The following ARID1B variants were observed in gnomAD, a reference collection of about 807,000 sequenced individuals.
The protein encoded by ARID1B is AT-rich interaction domain 1B, also known as AT-rich interactive domain-containing protein 1B.
Under a neutral mutation model 212.3 loss-of-function variants are expected in ARID1B, and 30 were observed. The ratio of observed to expected loss-of-function variants is 0.14; its 90% confidence interval spans 0.11 to 0.19. The LOEUF is 0.19. ARID1B is among the 10% of genes least tolerant of loss of function. The pLI, the probability that ARID1B is intolerant of heterozygous loss-of-function variation, is 1.00. For missense variants in ARID1B, 2,891 were observed against 3,204.0 expected (o/e 0.90, Z 2.36); for synonymous variants, 1,402 against 1,301.7 (o/e 1.08, Z -1.66).
chr6:157,159,508 C>T (rs1790790073), intron 8 of ARID1B, among the ~76,000 whole-genome samples: 1 of 152,204 alleles, frequency 6.6e-6, no homozygotes, highest in Admixed American at 6.5e-5. Flanking sequence ...TGAAATTGCA[C>T]AACAGGTGCC....
At chr6:156,965,527 G>A (rs568160351) in intron 4 of ARID1B, among the ~76,000 whole-genome samples, 11 of 152,306 alleles carry the variant, frequency 7.2e-5, no homozygotes, top group East Asian at 1.9e-4. Flanking sequence ...CACTTAATCC[G>A]TGAATGTGTA....
chr6:157,102,237 A>G (rs1393391349), intron 5 of ARID1B, among the ~76,000 whole-genome samples: 1 of 152,210 alleles, frequency 6.6e-6, no homozygotes, highest in African/African-American at 2.4e-5. Context: ...CTACCATCCC[A>G]ACACAAAAGT....
chr6:156,960,817 T>G (rs1261340668), intron 4 of ARID1B, among the ~76,000 whole-genome samples: 1 of 152,210 alleles, frequency 6.6e-6, no homozygotes, highest in Non-Finnish European at 1.5e-5. Flanking sequence ...TGTATTTTTT[T>G]TAAGGCATGA....
rs997675596 is a variant in ARID1B, at chr6:157,209,871, C to T, written c.*1980C>T. On this transcript the variant is annotated 3_prime_UTR_variant, in exon 20 of 20. Transcript: ENST00000636930. ...AAACTTTCTCTTCCTGGGTCATTGACTGTTACTGTGTAATAATCGATTTCT... is the reference window on the plus strand; with the variant it reads ...AAACTTTCTCTTCCTGGGTCATTGATTGTTACTGTGTAATAATCGATTTCT... The T allele has an allele frequency of 4.7e-5, 11 of 233,104 alleles. No individual in the cohort carries two copies. Among genetic ancestry groups the T allele is most frequent in the Admixed American group, 4.5e-4 (8 of 17,776 alleles). The allele number at this position is 233,104 out of a possible 1,614,324, so 14.4% of individuals were successfully genotyped here. A position where few individuals can be genotyped will look rare whatever the true frequency, so the allele number is the denominator to read the frequency against.
At chr6:157,178,746 G>T (rs1243532864) in intron 11 of ARID1B, among the ~76,000 whole-genome samples, 1 of 152,178 alleles carries the variant, frequency 6.6e-6, no homozygotes, top group African/African-American at 2.4e-5. Context: ...ACCAAGGAGA[G>T]AAAAGTTAAT....
At chr6:157,116,213 C>A (rs1392594606) in intron 6 of ARID1B, among the ~76,000 whole-genome samples, 1 of 151,936 alleles carries the variant, frequency 6.6e-6, no homozygotes, top group Non-Finnish European at 1.5e-5. Flanking sequence ...CATTTTTAAC[C>A]CCAGTGACAC....
chr6:156,976,178 T>A (rs1026817819), intron 4 of ARID1B: 1 of 152,794 alleles, frequency 6.5e-6, no homozygotes, highest in Non-Finnish European at 1.5e-5. Flanking sequence ...ACTGGCTATT[T>A]TCACTTTTGT....
In ARID1B at chr6:156,777,989, C is replaced by A. The variant is rs1187737630; in HGVS notation, c.309C>A (p.Gly103=). 3 of 1,531,268 alleles carry A rather than the reference C, an allele frequency of 2.0e-6. No homozygotes were observed. The African/African-American group carries it at 4.1e-5, about 21-fold the overall frequency. 94.9% of individuals were successfully genotyped at this position (1,531,268 alleles called of 1,614,324 possible). ...AAGTHSAKSG[G]SEAALKEGGS... ...GCACCCACAGCGCCAAGAGCGGCGG[C>A]TCCGAGGCGGCTCTCAAGGAGGGTG... The change falls in exon 1 of 20, where the codon GGC becomes GGA. Residue 103 remains glycine, a synonymous_variant. Transcript: ENST00000636930.
chr6:156,899,376 G>A (rs757633041), intron 2 of ARID1B, among the ~76,000 whole-genome samples: 84 of 152,234 alleles, frequency 5.5e-4, no homozygotes, highest in Non-Finnish European at 1.0e-3. Context: ...CTGGGCCCCA[G>A]GTCTCAGGGA....
intron 3 of ARID1B, among the ~76,000 whole-genome samples, chr6:156,926,279 G>T (rs1379835562): frequency 6.6e-6 from 1 of 152,186 alleles, no homozygotes; most frequent in Admixed American, 6.5e-5. Flanking sequence ...GGTTAATTTG[G>T]TTAAGATCAT....
chr6:157,045,686 C>T (rs1782190365), intron 4 of ARID1B, among the ~76,000 whole-genome samples: 1 of 152,086 alleles, frequency 6.6e-6, no homozygotes, highest in Non-Finnish European at 1.5e-5. Flanking sequence ...TTTTTTTGAA[C>T]TCATAATCTT....
intron 5 of ARID1B, among the ~76,000 whole-genome samples, chr6:157,092,651 A>G (rs1339032353): frequency 6.6e-6 from 1 of 152,258 alleles, no homozygotes; most frequent in Non-Finnish European, 1.5e-5. Flanking sequence ...TAGAAATAAG[A>G]AAACAATAGA....
At chr6:157,066,676 G>A (rs1437599980) in intron 4 of ARID1B, among the ~76,000 whole-genome samples, 1 of 152,086 alleles carries the variant, frequency 6.6e-6, no homozygotes, top group African/African-American at 2.4e-5. Flanking sequence ...GCCATTTTCT[G>A]TTCCAGTGGA....
intron 4 of ARID1B, among the ~76,000 whole-genome samples, chr6:156,983,406 A>G (rs755053396): frequency 2.0e-5 from 3 of 152,146 alleles, no homozygotes; most frequent in Admixed American, 6.5e-5. Flanking sequence ...AAAAACAAAC[A>G]AACAACAAAA....
chr6:156,965,453 CTGTT>C (rs1276371133), intron 4 of ARID1B, among the ~76,000 whole-genome samples: 2 of 152,320 alleles, frequency 1.3e-5, no homozygotes, highest in East Asian at 3.9e-4. Context: ...AGAAAAGTCA[CTGTT>C]TGTTATTCGA....
chr6:156,887,634 G>A lies in ARID1B; in HGVS notation c.1987-13742G>A, dbSNP rs75650515. The stretch of plus-strand genomic sequence containing the variant: ...AGTTACAAAAATCATTTTGAGGAGG[G>A]CCAGAAGAGAAAAAGGATATAGGAA... On this transcript the variant is annotated intron_variant, in intron 2 of 19. Transcript: ENST00000636930. Among the ~76,000 whole-genome samples the A allele has an allele frequency of 1.6e-3, 248 of 152,042 alleles. 3 individuals are homozygous for A. The East Asian group carries it at 0.044, about 27-fold the overall frequency.
rs368606139 is a variant in ARID1B at position 156,782,561 on chromosome 6, A to T, written c.1791+3090A>T. Among the ~76,000 whole-genome samples the T allele has an allele frequency of 2.9e-4, 44 of 152,284 alleles. No homozygotes were observed. In the South Asian group the frequency reaches 8.9e-3, roughly 31 times the overall value. ...AGTTTTATAAAACGTAGTACAATGT[A>T]TTAAGAAAAGGGCCTTATTTACCAT... On this transcript the variant is annotated intron_variant, in intron 1 of 19. Transcript: ENST00000636930.
chr6:156,960,860 A>G (rs1794323783), intron 4 of ARID1B, among the ~76,000 whole-genome samples: 1 of 152,178 alleles, frequency 6.6e-6, no homozygotes, highest in Non-Finnish European at 1.5e-5. Context: ...AAGAAGCAGA[A>G]TTATTCCCTG....
chr6:156,985,105 A>G (rs1777846623), intron 4 of ARID1B: 1 of 152,250 alleles, frequency 6.6e-6, no homozygotes, highest in South Asian at 2.1e-4. Flanking sequence ...GAAAGCTTCC[A>G]TATACTCTAG....
Sources: gnomAD v4.1 joint callset for allele counts (sites outside exome capture counted in the v4.1 genomes callset) on GRCh38, gnomAD v4.1.1 for gene constraint, MANE v1.5 for transcripts, NCBI Gene and HGNC (gene_info 2026-07-23, HGNC 2026-07-21) for gene names.